The following EDN1 variants were observed in gnomAD, a reference collection of about 807,000 sequenced individuals.
The protein encoded by EDN1 is endothelin-1.
EDN1 carries 11 observed loss-of-function variants against 21.7 expected under a neutral mutation model. The observed-to-expected ratio is 0.51, with a 90% CI of 0.32 to 0.84. The LOEUF is 0.84. Ranked by LOEUF, EDN1 falls within the 40% of genes least tolerant of loss-of-function variation. EDN1 has a pLI of 0.03. For missense variants in EDN1, 244 were observed against 262.3 expected (o/e 0.93, Z 0.48); for synonymous variants, 85 against 90.6 (o/e 0.94, Z 0.35).
the EDN1 span, among the ~76,000 whole-genome samples, chr6:12,263,460 A>G: frequency 0.34 from 52,222 of 152,058 alleles, 9,711 homozygotes; most frequent in Middle Eastern, 0.43. Context: ...TGGCTTTCAC[A>G]CAGGGTACTA....
At chr6:12,273,028 A>G in the EDN1 span, among the ~76,000 whole-genome samples, 1 of 152,166 alleles carries the variant, frequency 6.6e-6, no homozygotes, top group African/African-American at 2.4e-5. Context: ...CTTCTCCAAA[A>G]TCTCCCAGCC....
At chr6:12,266,505 T>C in the EDN1 span, among the ~76,000 whole-genome samples, 207 of 152,218 alleles carry the variant, frequency 1.4e-3, 1 homozygote, top group South Asian at 8.7e-3. Context: ...CAGTCCCTCT[T>C]CTCCAAAATC....
chr6:12,254,925 T>G, the EDN1 span, among the ~76,000 whole-genome samples: 3 of 152,130 alleles, frequency 2.0e-5, no homozygotes, highest in Non-Finnish European at 1.5e-5. Context: ...TCTTAATAAT[T>G]AAGAAATCTG....
the EDN1 span, among the ~76,000 whole-genome samples, chr6:12,247,204 A>T: frequency 6.6e-6 from 1 of 152,166 alleles, no homozygotes; most frequent in Non-Finnish European, 1.5e-5. Flanking sequence ...AGGCCACAGC[A>T]TCTACTTGGT....
At chr6:12,270,731 G>A in the EDN1 span, among the ~76,000 whole-genome samples, 17 of 152,250 alleles carry the variant, frequency 1.1e-4, no homozygotes, top group East Asian at 2.1e-3. Flanking sequence ...GTGCTGTTGC[G>A]AAGAATGTGT....
the EDN1 span, among the ~76,000 whole-genome samples, chr6:12,237,775 A>G: frequency 2.0e-5 from 3 of 152,198 alleles, no homozygotes; most frequent in African/African-American, 4.8e-5. Flanking sequence ...AATTGTCTCT[A>G]CTATAGAAAG....
the EDN1 span, among the ~76,000 whole-genome samples, chr6:12,258,582 T>C: frequency 5.9e-5 from 9 of 151,940 alleles, no homozygotes; most frequent in African/African-American, 2.2e-4. Flanking sequence ...TAAGTGAAGG[T>C]GAAAATCCAA....
chr6:12,243,989 A>AT, the EDN1 span, among the ~76,000 whole-genome samples: 1 of 152,194 alleles, frequency 6.6e-6, no homozygotes, highest in Admixed American at 6.5e-5. Context: ...ACTGCAGACT[A>AT]TAAGTTAAGA....
chr6:12,287,955 G>C (rs759731830), upstream of EDN1, among the ~76,000 whole-genome samples: 1 of 151,996 alleles, frequency 6.6e-6, no homozygotes, highest in Non-Finnish European at 1.5e-5. Context: ...TCATATTCAC[G>C]GGATGACACA....
At chr6:12,287,757 C>T (rs1253267196), upstream of EDN1, among the ~76,000 whole-genome samples, 8 of 148,658 alleles carry the variant, frequency 5.4e-5, no homozygotes, top group Non-Finnish European at 1.2e-4. Flanking sequence ...CACACACAGG[C>T]GCGCGCGCGC....
the EDN1 span, among the ~76,000 whole-genome samples, chr6:12,250,395 G>T: frequency 7.5e-3 from 1,140 of 152,148 alleles, 20 homozygotes; most frequent in African/African-American, 0.026. Context: ...GGTTTTGCAG[G>T]ATAATTGCCT....
the EDN1 span, among the ~76,000 whole-genome samples, chr6:12,246,651 C>CTT: frequency 1.1e-4 from 16 of 149,600 alleles, no homozygotes; most frequent in East Asian, 1.6e-3. Context: ...AATCGTTTGC[C>CTT]TTTTTTTTTC....
chr6:12,291,589 G>A lies in EDN1; in HGVS notation c.65-752G>A, dbSNP rs10478703. 9.0e-3 allele frequency among the ~76,000 whole-genome samples: 1,364 copies of A among 152,326 alleles called. 20 individuals carry two copies. The highest frequency in any genetic ancestry group is 0.029 in the African/African-American group (1,216 of 41,560). On this transcript the variant is annotated intron_variant, in intron 1 of 4. Transcript: ENST00000379375. ...ATAAGCTGCATGGCTAAATTGTTAGGAGGAAGAGGCAAGGCAGTAGTGGAG... is the reference window on the plus strand; with the variant it reads ...ATAAGCTGCATGGCTAAATTGTTAGAAGGAAGAGGCAAGGCAGTAGTGGAG...
the EDN1 span, among the ~76,000 whole-genome samples, chr6:12,259,677 G>A: frequency 6.6e-6 from 1 of 151,716 alleles, no homozygotes; most frequent in Non-Finnish European, 1.5e-5. Context: ...AAGTAAAATG[G>A]TACGATTTTA....
At chr6:12,238,470 C>T in the EDN1 span, among the ~76,000 whole-genome samples, 3 of 152,212 alleles carry the variant, frequency 2.0e-5, no homozygotes, top group African/African-American at 7.2e-5. Context: ...GAGCCACAGA[C>T]TCAGTGACCT....
At chr6:12,241,119 C>A in the EDN1 span, among the ~76,000 whole-genome samples, 1 of 151,840 alleles carries the variant, frequency 6.6e-6, no homozygotes, top group Admixed American at 6.6e-5. Flanking sequence ...GACATTTACA[C>A]TGTGGGAACC....
At chr6:12,241,440 G>A in the EDN1 span, among the ~76,000 whole-genome samples, 45,758 of 151,740 alleles carry the variant, frequency 0.3, 8,453 homozygotes, top group South Asian at 0.47. Flanking sequence ...CAAAGTGCTG[G>A]GAAGGACACA....
chr6:12,286,468 C>T (rs536810455), upstream of EDN1, among the ~76,000 whole-genome samples: 32 of 152,320 alleles, frequency 2.1e-4, no homozygotes, highest in African/African-American at 7.2e-4. Flanking sequence ...TAGTTACCAA[C>T]CCAAGACTAA....
chr6:12,235,052 A>G, the EDN1 span, among the ~76,000 whole-genome samples: 30 of 152,306 alleles, frequency 2.0e-4, no homozygotes, highest in African/African-American at 7.0e-4. Context: ...GCAAGTGAGT[A>G]GTAGTAATGT....
Sources: allele counts gnomAD v4.1 joint callset (sites outside exome capture counted in the v4.1 genomes callset), GRCh38; gene constraint gnomAD v4.1.1; transcripts MANE v1.5; gene names NCBI Gene and HGNC (gene_info 2026-07-23, HGNC 2026-07-21).